BRD4: variants seen among roughly 807,000 people sequenced by gnomAD.
The protein encoded by BRD4 is bromodomain-containing protein 4.
A neutral mutation model predicts 142.1 loss-of-function variants in BRD4; 16 were observed. That is an observed-to-expected ratio of 0.11 (90% CI 0.08 to 0.17). The LOEUF is 0.17. Ranked by LOEUF, BRD4 falls within the 10% of genes least tolerant of loss-of-function variation. BRD4 has a pLI of 1.00. For synonymous variants in BRD4, 833 were observed against 707.5 expected, an observed-to-expected ratio of 1.18 and a Z score of -2.82; for missense variants, 1,424 against 1,810.9, an observed-to-expected ratio of 0.79 and a Z score of 3.88.
At chr19:15,302,373 G>A (rs1472817192) in intron 1 of BRD4, among the ~76,000 whole-genome samples, 1 of 152,058 alleles carries the variant, frequency 6.6e-6, no homozygotes, top group Non-Finnish European at 1.5e-5. Context: ...CTAACCTGGG[G>A]GACTCTGAGT....
At chr19:15,289,676 A>G (rs1044307450) in intron 1 of BRD4, among the ~76,000 whole-genome samples, 6 of 149,306 alleles carry the variant, frequency 4.0e-5, no homozygotes, top group African/African-American at 1.5e-4. Flanking sequence ...AAAAAAAAAA[A>G]GAAAAAAAAA....
rs758403918 is a variant in BRD4 at position 15,257,187 on chromosome 19, G to A, written c.1342-14C>T. ...TTCGAACACATCCTGGTGAGGGAAA[G>A]ACATGCTGTGACGGCTGCTGGGTAC... is the stretch of plus-strand genomic sequence containing the variant. On this transcript the variant is annotated splice_polypyrimidine_tract_variant and intron_variant, in intron 7 of 19. Transcript: ENST00000679869. 6 of 1,587,420 alleles carry A rather than the reference G, an allele frequency of 3.8e-6. No homozygotes were observed. In the African/African-American group the frequency reaches 5.4e-5, roughly 14 times the overall value.
chr19:15,274,422 T>C (rs1483974105), intron 1 of BRD4, among the ~76,000 whole-genome samples: 1 of 152,128 alleles, frequency 6.6e-6, no homozygotes, highest in Non-Finnish European at 1.5e-5. Context: ...GATCCCAAGA[T>C]GGAGGGTACA....
chr19:15,242,801 C>CT lies in BRD4; in HGVS notation c.3169+98dup. 3 of 1,519,562 alleles carry CT rather than the reference C, an allele frequency of 2.0e-6. No individual in the cohort carries two copies. In the Admixed American group the frequency reaches 6.0e-5, roughly 31 times the overall value. 94.1% of individuals were successfully genotyped at this position (1,519,562 alleles called of 1,614,324 possible). A position where few individuals can be genotyped will look rare whatever the true frequency, so the allele number is the denominator to read the frequency against. ...AAGCTGAGGCTCAGCTCTGAACCCACTGCAGCCTGAAGCATGAGTTAACCC... is the reference window on the plus strand; with the variant it reads ...AAGCTGAGGCTCAGCTCTGAACCCACTTGCAGCCTGAAGCATGAGTTAACCC... On this transcript the variant is annotated intron_variant, in intron 14 of 19. Coordinates refer to ENST00000679869, the MANE Select transcript of BRD4 (RefSeq NM_001379291.1).
At chr19:15,298,668 G>A (rs2047843984) in intron 1 of BRD4, among the ~76,000 whole-genome samples, 1 of 131,424 alleles carries the variant, frequency 7.6e-6, no homozygotes, top group African/African-American at 2.8e-5. Context: ...AAAGCTTGTG[G>A]TCACATCCCT....
Position 15,238,742 on chromosome 19 carries a change from C to A in BRD4, c.4020+1G>T. ...GGTCCCCACCAGGCCTCCAGACTCACGGCTTCCCGGCGTCTTCGCTCCTGC... is the reference window on the plus strand; with the variant it reads ...GGTCCCCACCAGGCCTCCAGACTCAAGGCTTCCCGGCGTCTTCGCTCCTGC... On this transcript the variant is annotated splice_donor_variant, in intron 19 of 19. Transcript: ENST00000679869. LOFTEE classifies it high-confidence loss of function. The surrounding 1 kb of genome is among the most constrained non-coding windows in gnomAD (Gnocchi z 7.2). 6.5e-7 allele frequency: 1 copy of A among 1,534,308 alleles called. No individual in the cohort carries two copies. Among genetic ancestry groups the A allele is most frequent in the Non-Finnish European group, 8.8e-7 (1 of 1,138,994 alleles).
At chr19:15,279,169 TG>T (rs1301445930) in intron 1 of BRD4, among the ~76,000 whole-genome samples, 3 of 152,206 alleles carry the variant, frequency 2.0e-5, no homozygotes, top group Non-Finnish European at 4.4e-5. Context: ...AGATGTTCTT[TG>T]CAATCATAAT....
rs201100073 is a variant in BRD4, at chr19:15,239,762, C to A, written c.3342G>T (p.Lys1114Asn). 3.7e-6 allele frequency: 6 copies of A among 1,611,022 alleles called. No homozygotes were observed. The highest frequency in any genetic ancestry group is 5.1e-6 in the Non-Finnish European group (6 of 1,179,710). Residue 1114 changes from lysine (K) to asparagine (N), a missense_variant, in exon 16 of 20, where the codon AAG becomes AAT. Lys to Asn is a moderately conservative substitution (Grantham distance 94). This residue lies in a region of BRD4 where 598 missense variants were observed against 647.8 expected (regional missense o/e 0.92). Transcript: ENST00000679869. This position sits in a 1 kb window ranked among gnomAD's most constrained non-coding sequence, Gnocchi z 7.4. ...PQPLVVVKEE[K>N]IHSPIIRSEP... ...CGCTGCGGATGATGGGTGAGTGGATCTTCTCCTCCTTCACCACCACGAGGG... is the reference window on the plus strand; with the variant it reads ...CGCTGCGGATGATGGGTGAGTGGATATTCTCCTCCTTCACCACCACGAGGG...
At chr19:15,271,723 C>G (rs975512185) in intron 2 of BRD4, among the ~76,000 whole-genome samples, 2 of 152,188 alleles carry the variant, frequency 1.3e-5, no homozygotes, top group African/African-American at 4.8e-5. Flanking sequence ...GAGAGCGTGG[C>G]GCCTCTTCTG....
chr19:15,292,184 A>G (rs1277145879), intron 1 of BRD4, among the ~76,000 whole-genome samples: 2 of 152,204 alleles, frequency 1.3e-5, no homozygotes, highest in Non-Finnish European at 2.9e-5. Flanking sequence ...ACATCCCACC[A>G]TACTTAATGA....
rs200619207 is a variant in BRD4 at position 15,237,501 on chromosome 19, C to T, written c.*876G>A. ...CCACGGTCACACACTACCCACAGCGCGGTGGCAGCCGCTGCTCAATGAGGA... is the reference window on the plus strand; with the variant it reads ...CCACGGTCACACACTACCCACAGCGTGGTGGCAGCCGCTGCTCAATGAGGA... On this transcript the variant is annotated 3_prime_UTR_variant, in exon 20 of 20. Coordinates refer to ENST00000679869, the MANE Select transcript of BRD4 (RefSeq NM_001379291.1). 13 of 225,198 alleles carry T rather than the reference C, an allele frequency of 5.8e-5. No individual in the cohort carries two copies. Among genetic ancestry groups the T allele is most frequent in the African/African-American group, 1.8e-4 (8 of 44,648 alleles). The allele number at this position is 225,198 out of a possible 1,614,324, so 13.9% of individuals were successfully genotyped here. A position where few individuals can be genotyped will look rare whatever the true frequency, so the allele number is the denominator to read the frequency against.
At chr19:15,289,127 T>C (rs920926763) in intron 1 of BRD4, among the ~76,000 whole-genome samples, 1 of 152,218 alleles carries the variant, frequency 6.6e-6, no homozygotes, top group African/African-American at 2.4e-5. Context: ...AGCTCTGTTT[T>C]CTGGGTTCTG....
intron 1 of BRD4, among the ~76,000 whole-genome samples, chr19:15,307,411 A>G (rs1037520144): frequency 1.3e-5 from 2 of 152,258 alleles, no homozygotes; most frequent in East Asian, 3.9e-4. Flanking sequence ...ATCACTGCCA[A>G]TGTCTCCAAA....
chr19:15,278,105 C>CAAAAAA (rs59204229), intron 1 of BRD4, among the ~76,000 whole-genome samples: 81 of 55,050 alleles, frequency 1.5e-3, no homozygotes, highest in East Asian at 2.4e-3. Context: ...GACTCCGTCT[C>CAAAAAA]AAAAAAAAAA....
intron 1 of BRD4, among the ~76,000 whole-genome samples, chr19:15,305,590 T>C (rs1386753054): frequency 1.3e-5 from 2 of 152,234 alleles, no homozygotes; most frequent in African/African-American, 4.8e-5. Flanking sequence ...CACCCAGACT[T>C]TGTTTTTCCC....
chr19:15,246,630 G>GGGAT (rs1568379446), intron 11 of BRD4: 1 of 152,150 alleles, frequency 6.6e-6, no homozygotes, highest in East Asian at 1.9e-4. Flanking sequence ...TTGTAAAAGA[G>GGGAT]GGATGGTCAC....
At position 15,297,150 on chromosome 19, in the gene BRD4, C is replaced by G. The variant is rs564526466; in HGVS notation, c.-34-24017G>C. ...TAAAAGTTCCTTCCCCTTTGACACACAAAGTCACAGGATGTGATACAGCAG... is the reference window on the plus strand; with the variant it reads ...TAAAAGTTCCTTCCCCTTTGACACAGAAAGTCACAGGATGTGATACAGCAG... On this transcript the variant is annotated intron_variant, in intron 1 of 19. Transcript: ENST00000679869. Among the ~76,000 whole-genome samples the G allele has an allele frequency of 5.3e-5, 8 of 152,326 alleles. 1 individual carries two copies. The East Asian group carries it at 1.5e-3, about 29-fold the overall frequency.
intron 6 of BRD4, 91 bp from the exon 7 acceptor site, chr19:15,263,639 G>C: frequency 6.5e-7 from 1 of 1,537,532 alleles, no homozygotes; most frequent in Non-Finnish European, 8.9e-7. Flanking sequence ...GCCTAGAAGA[G>C]CAAGTTGGTT....
intron 5 of BRD4, 57 bp from the exon 6 acceptor site, chr19:15,264,823 C>T: frequency 6.5e-7 from 1 of 1,549,264 alleles, no homozygotes; most frequent in South Asian, 1.2e-5. Context: ...GGCACAGCTG[C>T]CCTCAGGGTC....
Sources: gnomAD v4.1 joint callset for allele counts (sites outside exome capture counted in the v4.1 genomes callset) on GRCh38, gnomAD v4.1.1 for gene constraint, gnomAD v4.1.1 regional missense constraint, Gnocchi (gnomAD v3.1) non-coding constraint, MANE v1.5 for transcripts, NCBI Gene and HGNC (gene_info 2026-07-23, HGNC 2026-07-21) for gene names.